The following SLC2A13 variants were observed in gnomAD, a reference collection of about 807,000 sequenced individuals.
The protein encoded by SLC2A13 is proton myo-inositol cotransporter.
Under a neutral mutation model 64.4 loss-of-function variants are expected in SLC2A13, and 32 were observed. That is an observed-to-expected ratio of 0.50 (90% CI 0.37 to 0.67). The LOEUF is 0.67. Among genes scored for constraint, SLC2A13 ranks in the 30% least tolerant of loss-of-function variants. SLC2A13 has a pLI of 0.00. For missense variants in SLC2A13, 743 were observed against 829.2 expected, an observed-to-expected ratio of 0.90 and a Z score of 1.28; for synonymous variants, 338 against 327.1, an observed-to-expected ratio of 1.03 and a Z score of -0.36.
chr12:40,041,820 T>C (rs1316386377), intron 2 of SLC2A13, among the ~76,000 whole-genome samples: 2 of 152,246 alleles, frequency 1.3e-5, no homozygotes, highest in African/African-American at 2.4e-5. Context: ...CTTTGACTCC[T>C]GTCATGGCAC....
chr12:39,840,415 C>T (rs926849455), intron 6 of SLC2A13, among the ~76,000 whole-genome samples: 1 of 152,034 alleles, frequency 6.6e-6, no homozygotes, highest in Non-Finnish European at 1.5e-5. Context: ...AAGAGCTTCC[C>T]ATTGCCTATA....
chr12:39,838,515 AAAAAAG>A (rs1326764271), intron 6 of SLC2A13, among the ~76,000 whole-genome samples: 4 of 151,896 alleles, frequency 2.6e-5, no homozygotes, highest in Non-Finnish European at 4.4e-5. Context: ...TTAAAAAAAA[AAAAAAG>A]AAAGGGAGAA....
At chr12:39,971,997 A>AAAAAAATATATATATATAT (rs1375405006) in intron 3 of SLC2A13, among the ~76,000 whole-genome samples, 10 of 77,340 alleles carry the variant, frequency 1.3e-4, no homozygotes, top group South Asian at 4.0e-4. Context: ...AAAAAAAAAA[A>AAAAAAATATATATATATAT]ATATATATAT....
chr12:40,007,939 T>C (rs985157161), intron 3 of SLC2A13, among the ~76,000 whole-genome samples: 1 of 152,174 alleles, frequency 6.6e-6, no homozygotes, highest in African/African-American at 2.4e-5. Flanking sequence ...TTTTATAATA[T>C]ACAATGGGTT....
chr12:40,083,523 A>G (rs1338011455), intron 1 of SLC2A13, among the ~76,000 whole-genome samples: 1 of 152,192 alleles, frequency 6.6e-6, no homozygotes, highest in Admixed American at 6.5e-5. Flanking sequence ...CTCAGCATCC[A>G]TAGTGCTATA....
At chr12:39,811,560 TA>T (rs1184673252) in intron 7 of SLC2A13, among the ~76,000 whole-genome samples, 2 of 152,192 alleles carry the variant, frequency 1.3e-5, no homozygotes, top group African/African-American at 2.4e-5. Context: ...TGTCCTTTTT[TA>T]CAGCATGGGT....
intron 4 of SLC2A13, among the ~76,000 whole-genome samples, chr12:39,895,515 TATATATA>T (rs1414296635): frequency 1.4e-3 from 1 of 694 alleles, no homozygotes; most frequent in Non-Finnish European, 2.2e-3. Flanking sequence ...AAAAAAAAAT[TATATATA>T]TATATATATA....
intron 4 of SLC2A13, among the ~76,000 whole-genome samples, chr12:39,912,351 G>A (rs1237707050): frequency 6.6e-6 from 1 of 151,966 alleles, no homozygotes; most frequent in Non-Finnish European, 1.5e-5. Flanking sequence ...TTCTGGACAA[G>A]AAGGAAAACT....
chr12:40,045,460 AGCACTTCAATTT>A (rs1192290179), intron 2 of SLC2A13, among the ~76,000 whole-genome samples: 1 of 151,252 alleles, frequency 6.6e-6, no homozygotes, highest in Non-Finnish European at 1.5e-5. Flanking sequence ...ATGCTAAGGT[AGCACTTCAATTT>A]TTATTTGCTT....
rs550773477 is a variant in SLC2A13 at position 39,889,239 on chromosome 12, T to C, written c.1035-17278A>G. ...TTTTCTATTTATATATCACCATCAG[T>C]TAAAACCCCAAATTTGTTATCAATA... On this transcript the variant is annotated intron_variant, in intron 4 of 9. Coordinates refer to ENST00000280871, the MANE Select transcript of SLC2A13 (RefSeq NM_052885.4). Among the ~76,000 whole-genome samples the C allele has an allele frequency of 1.8e-4, 27 of 152,216 alleles. No individual in the cohort carries two copies. In the East Asian group the frequency reaches 4.2e-3, roughly 24 times the overall value.
At chr12:39,783,130 A>C (rs1334712641) in intron 7 of SLC2A13, among the ~76,000 whole-genome samples, 1 of 151,888 alleles carries the variant, frequency 6.6e-6, no homozygotes, top group Non-Finnish European at 1.5e-5. Context: ...GTTTGGTTTT[A>C]TGTCCTTGTG....
At chr12:40,083,562 G>T in intron 1 of SLC2A13, among the ~76,000 whole-genome samples, 1 of 152,162 alleles carries the variant, frequency 6.6e-6, no homozygotes, top group Non-Finnish European at 1.5e-5. Context: ...CAGCACTGCA[G>T]GTTTTTAACT....
chr12:39,838,399 A>C (rs946073428), intron 6 of SLC2A13, among the ~76,000 whole-genome samples: 17 of 146,106 alleles, frequency 1.2e-4, no homozygotes, highest in South Asian at 8.9e-4. Flanking sequence ...CTAGATGACG[A>C]GTTAGTGGGT....
At chr12:40,083,574 G>C (rs1292829667) in intron 1 of SLC2A13, among the ~76,000 whole-genome samples, 1 of 152,134 alleles carries the variant, frequency 6.6e-6, no homozygotes. Context: ...TTTTTAACTG[G>C]GCTGGCCTCA....
chr12:40,088,440 CT>C (rs140320887), intron 1 of SLC2A13, among the ~76,000 whole-genome samples: 24 of 151,866 alleles, frequency 1.6e-4, no homozygotes, highest in Admixed American at 1.6e-3. Flanking sequence ...TTCAAAAGAC[CT>C]TTTTTTTACT....
chr12:39,886,075 A>G (rs1944456981), intron 4 of SLC2A13, among the ~76,000 whole-genome samples: 1 of 152,200 alleles, frequency 6.6e-6, no homozygotes, highest in Admixed American at 6.6e-5. Context: ...CTTCTGAAAT[A>G]AACAGGTCAA....
intron 3 of SLC2A13, among the ~76,000 whole-genome samples, chr12:39,988,318 A>G (rs1086490): frequency 0.13 from 19,493 of 151,972 alleles, 1,358 homozygotes; most frequent in African/African-American, 0.17. Context: ...TATTCTAATC[A>G]TCAACAACAT....
chr12:39,895,926 GTA>G (rs1324325724), intron 4 of SLC2A13, among the ~76,000 whole-genome samples: 4 of 136,624 alleles, frequency 2.9e-5, no homozygotes, highest in South Asian at 4.5e-4. Flanking sequence ...GCATATATGT[GTA>G]TATGTGTATA....
chr12:39,926,859 C>T (rs888436544), intron 4 of SLC2A13, among the ~76,000 whole-genome samples: 5 of 152,198 alleles, frequency 3.3e-5, no homozygotes, highest in Admixed American at 3.3e-4. Context: ...AAGGGATTCT[C>T]CTGCCTCGGC....
Sources: allele counts gnomAD v4.1 joint callset (sites outside exome capture counted in the v4.1 genomes callset), GRCh38; gene constraint gnomAD v4.1.1; transcripts MANE v1.5; gene names NCBI Gene and HGNC (gene_info 2026-07-23, HGNC 2026-07-21).